GLT1D1: variants seen among roughly 807,000 people sequenced by gnomAD.
GLT1D1 encodes glycosyltransferase 1 domain containing 1.
Under a neutral mutation model 28.7 loss-of-function variants are expected in GLT1D1, and 21 were observed. That is an observed-to-expected ratio of 0.73 (90% confidence interval 0.52 to 1.05). GLT1D1 has a LOEUF of 1.05. Ranked by LOEUF, GLT1D1 falls within the 50% of genes least tolerant of loss-of-function variation. The pLI is 0.00. For synonymous variants in GLT1D1, 147 were observed against 124.8 expected, an observed-to-expected ratio of 1.18 and a Z score of -1.19; for missense variants, 343 against 330.6, an observed-to-expected ratio of 1.04 and a Z score of -0.29.
chr12:128,925,348 C>A (rs376835310), intron 4 of GLT1D1, among the ~76,000 whole-genome samples: 13 of 152,306 alleles, frequency 8.5e-5, no homozygotes, highest in African/African-American at 2.9e-4. Flanking sequence ...GCGACCCCAA[C>A]CCTCCGACAG....
At chr12:128,905,778 G>A (rs1483113410) in intron 4 of GLT1D1, among the ~76,000 whole-genome samples, 4 of 151,878 alleles carry the variant, frequency 2.6e-5, no homozygotes. Flanking sequence ...GTTATGTTTT[G>A]GGATGGCATT....
Position 128,983,285 on chromosome 12 carries a change from C to T in GLT1D1, c.*195C>T. The T allele has an allele frequency of 1.8e-6, 1 of 564,952 alleles. No homozygotes were observed. Among genetic ancestry groups the T allele is most frequent in the Non-Finnish European group, 3.1e-6 (1 of 317,638 alleles). 35.0% of individuals were successfully genotyped at this position (564,952 alleles called of 1,614,324 possible). A position where few individuals can be genotyped will look rare whatever the true frequency, so the allele number is the denominator to read the frequency against. Reference sequence around the variant, plus strand: ...CCTTCTGTGCGTTCAGATGCTGTCCCAGGCGTGTTCACCAGCCAGTCCTGA... The same window carrying T: ...CCTTCTGTGCGTTCAGATGCTGTCCTAGGCGTGTTCACCAGCCAGTCCTGA... On this transcript the variant is annotated 3_prime_UTR_variant, in exon 8 of 8. Coordinates refer to ENST00000281703, the MANE Select transcript of GLT1D1 (RefSeq NM_144669.3). This position sits in a 1 kb window ranked among gnomAD's most constrained non-coding sequence, Gnocchi z 4.7.
chr12:128,969,022 T>C (rs1353943036), intron 7 of GLT1D1, among the ~76,000 whole-genome samples: 1 of 152,060 alleles, frequency 6.6e-6, no homozygotes, highest in Admixed American at 6.6e-5. Flanking sequence ...TCTGTCTCTG[T>C]AGCTCCTCTC....
In GLT1D1 at chr12:128,917,025, G is replaced by A. The variant is rs568432782; in HGVS notation, c.375+17738G>A. 2.6e-5 allele frequency among the ~76,000 whole-genome samples: 4 copies of A among 152,192 alleles called. No homozygotes were observed. The East Asian group carries it at 7.7e-4, about 29-fold the overall frequency. ...AAATCCATCTGAAATTACTATTTGT[G>A]TGTTGTATGAGGTAGGGATCTGTTT... On this transcript the variant is annotated intron_variant, in intron 4 of 7. Coordinates refer to ENST00000281703, the MANE Select transcript of GLT1D1 (RefSeq NM_144669.3).
rs201069032 is a variant in GLT1D1, at chr12:128,876,053, C to T, written c.208C>T (p.Leu70Phe). ...TCTTCATCTCTATAGGGGAGGCAGG[C>T]TTTTGCAAGGTAATCCTCTTTTTCT... Residue 70 changes from leucine (L) to phenylalanine (F), a missense_variant, in exon 2 of 8, where the codon CTT (leucine) becomes TTT (phenylalanine). Physicochemically the swap from Leu to Phe is conservative, Grantham distance 22. Coordinates refer to ENST00000281703, the MANE Select transcript of GLT1D1 (RefSeq NM_144669.3). The T allele has an allele frequency of 2.5e-5, 40 of 1,603,332 alleles. No homozygotes were observed. The highest frequency in any genetic ancestry group is 2.8e-5 in the Non-Finnish European group (33 of 1,176,494).
In GLT1D1 at chr12:128,957,635, A is replaced by G. The variant is rs139680366; in HGVS notation, c.631A>G (p.Asn211Asp). ...TGAAGTCACAGGGCTACTGTTTTCC[A>G]ATCCTCAGGTAAAGAAAAGTTCTTT... The change falls in exon 7 of 8, where the codon AAT becomes GAT. Residue 211 changes from asparagine (N) to aspartate (D), a missense_variant. Physicochemically the swap from Asn to Asp is conservative, Grantham distance 23. Coordinates refer to ENST00000281703, the MANE Select transcript of GLT1D1 (RefSeq NM_144669.3). The G allele has an allele frequency of 6.2e-7, 1 of 1,608,418 alleles. No homozygotes were observed. The highest frequency in any genetic ancestry group is 1.3e-5 in the African/African-American group (1 of 74,752).
intron 4 of GLT1D1, among the ~76,000 whole-genome samples, chr12:128,915,580 G>A (rs945127425): frequency 6.6e-6 from 1 of 152,010 alleles, no homozygotes; most frequent in Non-Finnish European, 1.5e-5. Flanking sequence ...GGCCAGGCTG[G>A]TCTCGAACTC....
At chr12:128,869,176 T>C (rs1956622666) in intron 1 of GLT1D1, among the ~76,000 whole-genome samples, 1 of 151,946 alleles carries the variant, frequency 6.6e-6, no homozygotes, top group Non-Finnish European at 1.5e-5. Context: ...GCCTCGTTTA[T>C]TTTTTTCTTT....
In GLT1D1 at chr12:128,904,623, C is replaced by CTTTTTTT. The variant is rs59189244; in HGVS notation, c.375+5358_375+5364dup. 1.1e-4 allele frequency among the ~76,000 whole-genome samples: 15 copies of CTTTTTTT among 139,344 alleles called. 1 individual carries two copies. Among genetic ancestry groups the CTTTTTTT allele is most frequent in the African/African-American group, 1.5e-4 (5 of 32,818 alleles). 91.4% of individuals were successfully genotyped at this position (139,344 alleles called of 152,430 possible). On this transcript the variant is annotated intron_variant, in intron 4 of 7. Transcript: ENST00000281703. ...GTGATGGTTAAAGCATGAAAACAGT[C>CTTTTTTT]TTTTTTTTTTTTTTTTTTTTTTTTT...
At chr12:128,973,986 A>G (rs1245180921) in intron 7 of GLT1D1, among the ~76,000 whole-genome samples, 1 of 148,590 alleles carries the variant, frequency 6.7e-6, no homozygotes, top group East Asian at 2.0e-4. Context: ...TCCACACCAC[A>G]TGCAGCAGCG....
At chr12:128,971,118 C>G (rs1306389631) in intron 7 of GLT1D1, among the ~76,000 whole-genome samples, 1 of 152,168 alleles carries the variant, frequency 6.6e-6, no homozygotes, top group Non-Finnish European at 1.5e-5. Flanking sequence ...TCATTGGCAC[C>G]TGTCGGATTT....
intron 1 of GLT1D1, among the ~76,000 whole-genome samples, chr12:128,864,712 A>C (rs937042575): frequency 1.3e-5 from 2 of 152,094 alleles, no homozygotes; most frequent in Admixed American, 1.3e-4. Context: ...ATGCTGCCTG[A>C]ATGTGAGTGG....
intron 4 of GLT1D1, among the ~76,000 whole-genome samples, chr12:128,912,675 T>C (rs1399943813): frequency 2.0e-5 from 3 of 152,072 alleles, no homozygotes; most frequent in African/African-American, 7.2e-5. Flanking sequence ...TTTTTTTTTC[T>C]TTTTTGAGAC....
At chr12:128,928,338 C>T (rs1258245276) in intron 4 of GLT1D1, among the ~76,000 whole-genome samples, 1 of 152,022 alleles carries the variant, frequency 6.6e-6, no homozygotes, top group East Asian at 1.9e-4. Flanking sequence ...GGGATGGAGC[C>T]CCTGAGAGCC....
chr12:128,956,006 A>G (rs1223491025), intron 6 of GLT1D1, among the ~76,000 whole-genome samples: 2 of 151,460 alleles, frequency 1.3e-5, no homozygotes, highest in Non-Finnish European at 2.9e-5. Context: ...AAAAGTACAA[A>G]AAATTAGCCG....
chr12:128,874,110 CTCTCTCTCTCTCTCTCTTTCTTTCTT>C (rs1956793651), intron 1 of GLT1D1, among the ~76,000 whole-genome samples: 5 of 54,694 alleles, frequency 9.1e-5, no homozygotes, highest in South Asian at 1.2e-3. Flanking sequence ...CTCTCTCTCT[CTCTCTCTCTCTCTCTCTTTCTTTCTT>C]TCTTTCTTTC....
intron 2 of GLT1D1, among the ~76,000 whole-genome samples, chr12:128,878,115 C>T (rs1956916863): frequency 6.6e-6 from 1 of 152,182 alleles, no homozygotes; most frequent in African/African-American, 2.4e-5. Context: ...CTTCTGATTA[C>T]ACAGGTCAGC....
chr12:128,945,216 C>T, intron 4 of GLT1D1, 110 bp from the exon 9 acceptor site: 1 of 1,133,420 alleles, frequency 8.8e-7, no homozygotes, highest in South Asian at 1.3e-5. Context: ...TGGCCGCAGA[C>T]CGAGGCCCAC....
intron 2 of GLT1D1, among the ~76,000 whole-genome samples, chr12:128,881,223 CAAA>C (rs35871795): frequency 0.03 from 2,239 of 73,550 alleles, 79 homozygotes; most frequent in African/African-American, 0.089. Flanking sequence ...GACTCCGTTT[CAAA>C]AAAAAAAAAA....
Sources: allele counts gnomAD v4.1 joint callset (sites outside exome capture counted in the v4.1 genomes callset), GRCh38; gene constraint gnomAD v4.1.1; non-coding constraint Gnocchi (gnomAD v3.1); transcripts MANE v1.5; gene names NCBI Gene and HGNC (gene_info 2026-07-23, HGNC 2026-07-21).